Variants in SIN3A observed in about 807,000 individuals in gnomAD.
The protein encoded by SIN3A is SIN3 transcription regulator family member A, also known as paired amphipathic helix protein Sin3a.
In SIN3A, 14 loss-of-function variants were observed where a neutral mutation model predicts 146.1. The observed-to-expected ratio is 0.10, with a 90% CI of 0.06 to 0.15. SIN3A has a LOEUF of 0.15. SIN3A is among the 10% of genes least tolerant of loss of function. SIN3A has a pLI of 1.00. For synonymous variants in SIN3A, 572 were observed against 572.0 expected (o/e 1.00, Z 0.00); for missense variants, 1,028 against 1,576.0 (o/e 0.65, Z 5.89).
In SIN3A at chr15:75,392,448, A is replaced by G. The variant is rs1567334824; in HGVS notation, c.2645T>C (p.Val882Ala). Residue 882 changes from valine to alanine, a missense_variant, in exon 15 of 21, where the codon GTA becomes GCA. By Grantham distance (64) the Val-to-Ala change is moderately conservative (BLOSUM62 0). Around this residue, in one of 9 missense-constraint regions of SIN3A, gnomAD observed 488 missense variants for 690.2 expected, o/e 0.71. Coordinates refer to ENST00000394947, the MANE Select transcript of SIN3A (RefSeq NM_001145358.2). ...GTTGTTGACATAGAAGAGGTTGTAT[A>G]CTTCATCCATTCCTCTTAATTTTTG... The part of the protein sequence containing the change: ...AAQKLRGMDE[V>A]YNLFYVNNNW... 1.9e-6 allele frequency: 3 copies of G among 1,613,996 alleles called. No individual in the cohort carries two copies. Among genetic ancestry groups the G allele is most frequent in the Non-Finnish European group, 2.5e-6 (3 of 1,179,878 alleles).
intron 1 of SIN3A, among the ~76,000 whole-genome samples, chr15:75,446,070 C>A (rs1025618706): frequency 6.6e-6 from 1 of 152,012 alleles, no homozygotes; most frequent in Non-Finnish European, 1.5e-5. Flanking sequence ...GGAGATACAA[C>A]GGTAAACAAA....
chr15:75,411,484 C>T lies in SIN3A; in HGVS notation c.1008+8G>A, dbSNP rs1216803419. 1.9e-6 allele frequency: 3 copies of T among 1,611,454 alleles called. No homozygotes were observed. The highest frequency in any genetic ancestry group is 1.3e-5 in the African/African-American group (1 of 74,910). ...CTGGTTAAGACAGGCTGAATGGGCA[C>T]TCCTTACCTGATATGTGTGCAAAAT... On this transcript the variant is annotated splice_region_variant and intron_variant, in intron 6 of 20. Transcript: ENST00000394947.
In SIN3A at chr15:75,370,408, A is replaced by T. The variant is rs1013685117; in HGVS notation, c.*1571T>A. ...CTAAGACTTGCGTAATGGTTGCTGA[A>T]GAAAAATCCACCAGAGTACTGGGAG... On this transcript the variant is annotated 3_prime_UTR_variant, in exon 21 of 21. Coordinates refer to ENST00000394947, the MANE Select transcript of SIN3A (RefSeq NM_001145358.2). 2 of 152,230 alleles carry T rather than the reference A, an allele frequency of 1.3e-5. No homozygotes were observed. Among genetic ancestry groups the T allele is most frequent in the Admixed American group, 6.5e-5 (1 of 15,276 alleles). 9.4% of individuals were successfully genotyped at this position (152,230 alleles called of 1,614,324 possible).
Position 75,422,629 on chromosome 15 carries a change from A to G in SIN3A, c.366+18T>C, listed in dbSNP as rs1160442692. The G allele has an allele frequency of 1.9e-6, 3 of 1,614,042 alleles. No individual in the cohort carries two copies. Among genetic ancestry groups the G allele is most frequent in the Non-Finnish European group, 2.5e-6 (3 of 1,179,986 alleles). On this transcript the variant is annotated intron_variant, in intron 3 of 20. Coordinates refer to ENST00000394947, the MANE Select transcript of SIN3A (RefSeq NM_001145358.2). ...TAAAGATAAATTTTTTGACCCAAGA[A>G]AAAGAGCTGAATACCACCTTCAGCC...
chr15:75,446,742 T>G (rs1427269209), intron 1 of SIN3A, among the ~76,000 whole-genome samples: 1 of 152,050 alleles, frequency 6.6e-6, no homozygotes, highest in African/African-American at 2.4e-5. Flanking sequence ...TCCTCCCACT[T>G]GAGCTCCCAA....
upstream of SIN3A, among the ~76,000 whole-genome samples, chr15:75,452,753 G>C (rs2074430536): frequency 6.6e-6 from 1 of 152,238 alleles, no homozygotes; most frequent in Non-Finnish European, 1.5e-5. Context: ...GGCATCCTCA[G>C]AACTGAGAAA....
chr15:75,449,096 A>G (rs995475151), intron 1 of SIN3A, among the ~76,000 whole-genome samples: 42 of 152,336 alleles, frequency 2.8e-4, no homozygotes, highest in Admixed American at 1.6e-3. Context: ...CAGCACTGCA[A>G]ATCATGGGAA....
chr15:75,387,561 TAA>T (rs33945328), intron 16 of SIN3A, among the ~76,000 whole-genome samples: 10,011 of 113,040 alleles, frequency 0.089, 470 homozygotes, highest in South Asian at 0.19. Flanking sequence ...CTGTTTCCAT[TAA>T]AAAAAAAAAA....
upstream of SIN3A, among the ~76,000 whole-genome samples, chr15:75,452,118 C>A (rs1336994737): frequency 1.3e-5 from 2 of 152,188 alleles, no homozygotes; most frequent in Non-Finnish European, 2.9e-5. Context: ...AGGTAAGTAA[C>A]CGATGTGGGG....
At chr15:75,433,198 G>T (rs564166243) in intron 1 of SIN3A, among the ~76,000 whole-genome samples, 11 of 152,208 alleles carry the variant, frequency 7.2e-5, no homozygotes, top group South Asian at 4.2e-4. Context: ...AAACAAAAAA[G>T]AACTGGATTC....
chr15:75,389,424 G>A (rs1045947104), intron 16 of SIN3A, among the ~76,000 whole-genome samples: 1 of 152,192 alleles, frequency 6.6e-6, no homozygotes, highest in Non-Finnish European at 1.5e-5. Flanking sequence ...CAGGACCACT[G>A]CACTCTACAG....
chr15:75,404,995 A>G (rs1002226608), intron 9 of SIN3A, among the ~76,000 whole-genome samples: 3 of 151,764 alleles, frequency 2.0e-5, no homozygotes, highest in African/African-American at 7.3e-5. Context: ...AAATTTTAAA[A>G]ATTAGCTGAG....
intron 12 of SIN3A, among the ~76,000 whole-genome samples, chr15:75,398,101 AAAACAAACAAAC>A (rs762527269): frequency 6.6e-6 from 1 of 152,180 alleles, no homozygotes; most frequent in Non-Finnish European, 1.5e-5. Context: ...AAAGAGTACC[AAAACAAACAAAC>A]AAACAAACAA....
chr15:75,386,751 T>A lies in SIN3A; in HGVS notation c.3022-2314A>T, dbSNP rs1258175153. On this transcript the variant is annotated intron_variant, in intron 16 of 20. Transcript: ENST00000394947. Reference sequence around the variant, plus strand: ...TCCATGGTGTGGTCCTATTTTGAGTTCTGTACTTGGATGTCTGTGAGGTTG... The same window carrying A: ...TCCATGGTGTGGTCCTATTTTGAGTACTGTACTTGGATGTCTGTGAGGTTG... 1.3e-5 allele frequency among the ~76,000 whole-genome samples: 2 copies of A among 152,172 alleles called. 1 individual carries two copies.
intron 20 of SIN3A, among the ~76,000 whole-genome samples, chr15:75,372,983 G>C (rs1431640387): frequency 6.6e-6 from 1 of 152,132 alleles, no homozygotes; most frequent in Admixed American, 6.6e-5. Context: ...CTCTAAGCCA[G>C]ACAGTGCAAA....
intron 1 of SIN3A, among the ~76,000 whole-genome samples, chr15:75,432,286 A>G (rs1327614204): frequency 6.6e-6 from 1 of 152,120 alleles, no homozygotes; most frequent in Non-Finnish European, 1.5e-5. Context: ...CTTTTTAGCT[A>G]TTTCTTATAT....
intron 19 of SIN3A, among the ~76,000 whole-genome samples, chr15:75,378,935 C>A (rs948475977): frequency 6.6e-6 from 1 of 151,374 alleles, no homozygotes. Context: ...GAGTCTCACT[C>A]GGTCACCCAG....
Position 75,396,439 on chromosome 15 carries a change from T to G in SIN3A, c.1912A>C (p.Lys638Gln). ...TCAGCAGACAAGCGGGAAAGCTTCT[T>G]CTGTATTGCTTCCAGAACCCGGATT... ...ATIRVLEAIQKKLSRLSAEEQ... is the reference protein window; with the variant it reads ...ATIRVLEAIQQKLSRLSAEEQ... The change falls in exon 13 of 21, where the codon AAG (lysine) becomes CAG (glutamine). Residue 638 changes from lysine to glutamine, a missense_variant. Coordinates refer to ENST00000394947, the MANE Select transcript of SIN3A (RefSeq NM_001145358.2). 2 of 1,614,152 alleles carry G rather than the reference T, an allele frequency of 1.2e-6. No individual in the cohort carries two copies. Among genetic ancestry groups the G allele is most frequent in the Non-Finnish European group, 1.7e-6 (2 of 1,180,030 alleles).
intron 1 of SIN3A, among the ~76,000 whole-genome samples, chr15:75,450,555 C>A (rs918621290): frequency 2.0e-5 from 3 of 152,224 alleles, no homozygotes; most frequent in Admixed American, 1.3e-4. Context: ...GGGCACTTCG[C>A]CCCAATAGTT....
Sources: allele counts gnomAD v4.1 joint callset (sites outside exome capture counted in the v4.1 genomes callset), GRCh38; gene constraint gnomAD v4.1.1; regional missense constraint gnomAD v4.1.1; transcripts MANE v1.5; gene names NCBI Gene and HGNC (gene_info 2026-07-23, HGNC 2026-07-21).